Variants in CAPS2 observed in about 807,000 individuals in gnomAD.
The protein encoded by CAPS2 is calcyphosin-2.
CAPS2 carries 98 observed loss-of-function variants against 86.5 expected under a neutral mutation model. The observed-to-expected ratio is 1.13, with a 90% CI of 0.96 to 1.34. The LOEUF is 1.34. CAPS2 is among the 40% of genes most tolerant of loss of function. The pLI, the probability that CAPS2 is intolerant of heterozygous loss-of-function variation, is 0.00. For missense variants in CAPS2, 729 were observed against 686.8 expected, an observed-to-expected ratio of 1.06 and a Z score of -0.69; for synonymous variants, 210 against 225.1, an observed-to-expected ratio of 0.93 and a Z score of 0.60.
At chr12:75,366,800 T>C (rs1263488444) in intron 1 of CAPS2, 27 of 694,540 alleles carry the variant, frequency 3.9e-5, no homozygotes, top group Non-Finnish European at 1.0e-5. Context: ...CAGAGGTCTA[T>C]CACCTCTGAG....
At chr12:75,306,165 T>C in intron 7 of CAPS2, 2 of 928,852 alleles carry the variant, frequency 2.2e-6, no homozygotes, top group Non-Finnish European at 3.4e-6. Context: ...TCCAGCAGAA[T>C]TACCTGAAGT....
intron 1 of CAPS2, chr12:75,390,779 C>A (rs2045550248): frequency 1.9e-6 from 1 of 525,706 alleles, no homozygotes; most frequent in Admixed American, 2.3e-5. Context: ...CATTCAGTGT[C>A]AGAAATCAAT....
In CAPS2 at chr12:75,293,229, C is replaced by A; in HGVS notation, c.1163+20G>T. ...GTGTTTTCACCTACTTTCAAATTGC[C>A]AAATGCATATTTAACTTACTTGAGA... is the stretch of plus-strand genomic sequence containing the variant. On this transcript the variant is annotated intron_variant, in intron 12 of 16. Transcript: ENST00000393284. 7.1e-6 allele frequency: 10 copies of A among 1,402,476 alleles called. No homozygotes were observed. Among genetic ancestry groups the A allele is most frequent in the Non-Finnish European group, 1.0e-5 (10 of 995,706 alleles). The allele number at this position is 1,402,476 out of a possible 1,614,324, so 86.9% of individuals were successfully genotyped here.
At chr12:75,370,055 C>T (rs764872848) in intron 1 of CAPS2, 1 of 1,407,206 alleles carries the variant, frequency 7.1e-7, no homozygotes, top group African/African-American at 1.4e-5. Context: ...GAACTCTTAA[C>T]TATTCTGGTT....
intron 8 of CAPS2, 128 bp downstream of exon 8, chr12:75,304,629 A>G (rs2038221817): frequency 3.0e-6 from 2 of 655,816 alleles, no homozygotes; most frequent in South Asian, 3.2e-5. Context: ...AACTCAAAAA[A>G]TTCCACTTTT....
At chr12:75,343,765 T>C in intron 1 of CAPS2, 5 of 1,613,076 alleles carry the variant, frequency 3.1e-6, no homozygotes, top group Non-Finnish European at 3.4e-6. Context: ...TAATGACTGT[T>C]TGGATAAATC....
intron 1 of CAPS2, chr12:75,360,040 C>T (rs1447823203): frequency 2.6e-5 from 4 of 152,150 alleles, no homozygotes; most frequent in African/African-American, 9.7e-5. Flanking sequence ...ATCTTTAAAA[C>T]CATCAGATCT....
At chr12:75,334,615 G>A, upstream of CAPS2, 2 of 1,494,828 alleles carry the variant, frequency 1.3e-6, no homozygotes, top group Non-Finnish European at 1.8e-6. Context: ...TCGAGCCTGT[G>A]CGGCAGGATG....
upstream of CAPS2, chr12:75,335,044 G>A (rs1426329305): frequency 1.4e-6 from 1 of 737,742 alleles, no homozygotes; most frequent in Admixed American, 3.0e-5. Flanking sequence ...TCACACCTTG[G>A]TTGGGCTGTC....
intron 1 of CAPS2, among the ~76,000 whole-genome samples, chr12:75,366,590 C>T (rs982538736): frequency 2.6e-5 from 4 of 152,048 alleles, no homozygotes; most frequent in East Asian, 1.9e-4. Flanking sequence ...AAAACTAACA[C>T]GGCACCTCAA....
intron 1 of CAPS2, among the ~76,000 whole-genome samples, chr12:75,337,361 A>G (rs925744290): frequency 2.6e-5 from 4 of 151,872 alleles, no homozygotes; most frequent in Non-Finnish European, 5.9e-5. Flanking sequence ...TAAAAAAAAG[A>G]TTAATGAAGA....
At chr12:75,326,431 T>C (rs1197522118) in exon 1 of CAPS2, 8 of 1,489,010 alleles carry the variant, frequency 5.4e-6, no homozygotes, top group Non-Finnish European at 7.3e-6. Context: ...TAGAGGCTTC[T>C]TTCTTCCAAA....
At chr12:75,334,680 T>C, upstream of CAPS2, 1 of 1,582,316 alleles carries the variant, frequency 6.3e-7, no homozygotes, top group Non-Finnish European at 8.6e-7. Flanking sequence ...GCCCCAGCCG[T>C]TACTGGTCCG....
intron 1 of CAPS2, among the ~76,000 whole-genome samples, chr12:75,351,060 A>G (rs2042775857): frequency 6.6e-6 from 1 of 152,234 alleles, no homozygotes; most frequent in Admixed American, 6.5e-5. Context: ...AATCACAAGT[A>G]TCAATATCCA....
chr12:75,356,348 G>A (rs975030220), intron 1 of CAPS2, among the ~76,000 whole-genome samples: 1 of 151,954 alleles, frequency 6.6e-6, no homozygotes, highest in Non-Finnish European at 1.5e-5. Flanking sequence ...AAATATATAA[G>A]ATGTTTTCTT....
intron 1 of CAPS2, among the ~76,000 whole-genome samples, chr12:75,383,154 A>G (rs915260729): frequency 1.3e-5 from 2 of 152,206 alleles, no homozygotes; most frequent in African/African-American, 4.8e-5. Context: ...TTTTGAAAAT[A>G]TATATCATAG....
intron 1 of CAPS2, among the ~76,000 whole-genome samples, chr12:75,343,132 A>G (rs774917101): frequency 1.1e-4 from 17 of 151,970 alleles, no homozygotes; most frequent in Non-Finnish European, 2.4e-4. Flanking sequence ...TTTACAACTC[A>G]TGTATTTTAT....
At chr12:75,301,318 C>T (rs1232769975) in intron 8 of CAPS2, among the ~76,000 whole-genome samples, 1 of 152,126 alleles carries the variant, frequency 6.6e-6, no homozygotes, top group African/African-American at 2.4e-5. Flanking sequence ...AAAAAGGAAG[C>T]AGGGAACAGG....
chr12:75,362,119 A>T (rs1036943251), intron 1 of CAPS2, among the ~76,000 whole-genome samples: 1 of 152,178 alleles, frequency 6.6e-6, no homozygotes, highest in Non-Finnish European at 1.5e-5. Flanking sequence ...CAATAATAAC[A>T]GCAACAATTA....
Sources: gnomAD v4.1 joint callset for allele counts (sites outside exome capture counted in the v4.1 genomes callset) on GRCh38, gnomAD v4.1.1 for gene constraint, MANE v1.5 for transcripts, NCBI Gene and HGNC (gene_info 2026-07-23, HGNC 2026-07-21) for gene names.